TRRAP: variants seen among roughly 807,000 people sequenced by gnomAD.
The protein encoded by TRRAP is transformation/transcription domain-associated protein.
Under a neutral mutation model 438.8 loss-of-function variants are expected in TRRAP, and 41 were observed. That is an observed-to-expected ratio of 0.09 (90% CI 0.07 to 0.12). The LOEUF (loss-of-function observed/expected upper bound fraction) is 0.12, where lower values mean the gene tolerates loss of function less well. TRRAP is among the 10% of genes least tolerant of loss of function. The pLI, the probability that TRRAP is intolerant of heterozygous loss-of-function variation, is 1.00. For missense variants in TRRAP, 3,122 were observed against 5,055.1 expected, an observed-to-expected ratio of 0.62 and a Z score of 11.60; for synonymous variants, 1,994 against 1,962.9, an observed-to-expected ratio of 1.02 and a Z score of -0.42.
At position 98,892,202 on chromosome 7, in the gene TRRAP, G is replaced by A. The variant is rs557419918; in HGVS notation, c.262-222G>A. 2.6e-5 allele frequency among the ~76,000 whole-genome samples: 4 copies of A among 152,310 alleles called. No individual in the cohort carries two copies. The South Asian group carries it at 8.3e-4, about 32-fold the overall frequency. On this transcript the variant is annotated intron_variant, in intron 4 of 72. Transcript: ENST00000456197. ...AAATTGGCTTAGTCGATTTGGTACA[G>A]AGTTGTAGAAATACTGAAAATGATC...
intron 8 of TRRAP, among the ~76,000 whole-genome samples, chr7:98,899,043 G>T (rs1796354104): frequency 6.6e-6 from 1 of 152,118 alleles, no homozygotes; most frequent in Non-Finnish European, 1.5e-5. Context: ...ACAAAAATTA[G>T]CTGGACGTGG....
intron 67 of TRRAP, among the ~76,000 whole-genome samples, chr7:99,003,104 C>T (rs571118604): frequency 2.0e-5 from 3 of 152,184 alleles, no homozygotes; most frequent in Non-Finnish European, 4.4e-5. Flanking sequence ...GTGGCTCCCC[C>T]AGGGCCCCTG....
rs1450546130 is a variant in TRRAP, at chr7:98,980,509, C to T, written c.8635-1260C>T. 3.3e-5 allele frequency among the ~76,000 whole-genome samples: 5 copies of T among 152,030 alleles called. No homozygotes were observed. In the East Asian group the frequency reaches 9.6e-4, roughly 29 times the overall value. On this transcript the variant is annotated intron_variant, in intron 58 of 72. Coordinates refer to ENST00000456197, the MANE Select transcript of TRRAP (RefSeq NM_001375524.1). The stretch of plus-strand genomic sequence containing the variant: ...AATGAGCCAAAAAAAAAAGAAAAGG[C>T]CTTTTAGGGCAGAAAGGAACACATG...
At chr7:98,897,411 A>G (rs1225384659) in intron 7 of TRRAP, among the ~76,000 whole-genome samples, 1 of 152,196 alleles carries the variant, frequency 6.6e-6, no homozygotes, top group African/African-American at 2.4e-5. Flanking sequence ...TTAATCATTT[A>G]TTAGCCAGGG....
chr7:98,900,601 AT>A, intron 10 of TRRAP, 22 bp from the exon 11 acceptor site: 1 of 1,586,640 alleles, frequency 6.3e-7, no homozygotes, highest in Non-Finnish European at 8.6e-7. Context: ...GAGAGGTAAT[AT>A]TTTTGTTCTC....
At position 98,919,794 on chromosome 7, in the gene TRRAP, A is replaced by G. The variant is rs556847086; in HGVS notation, c.2623-1959A>G. ...TGGTTCTTAGGCCTTCTTACCATCCATGAGGCAGATAGCCCAAAAGAGACA... is the reference window on the plus strand; with the variant it reads ...TGGTTCTTAGGCCTTCTTACCATCCGTGAGGCAGATAGCCCAAAAGAGACA... On this transcript the variant is annotated intron_variant, in intron 20 of 72. Transcript: ENST00000456197. 1.3e-5 allele frequency among the ~76,000 whole-genome samples: 2 copies of G among 152,304 alleles called. 1 individual carries two copies. The highest frequency in any genetic ancestry group is 4.8e-5 in the African/African-American group (2 of 41,580).
chr7:99,005,083 T>A lies in TRRAP; in HGVS notation c.10536-48T>A. 1 of 1,581,614 alleles carries A rather than the reference T, an allele frequency of 6.3e-7. No homozygotes were observed. The highest frequency in any genetic ancestry group is 8.7e-7 in the Non-Finnish European group (1 of 1,153,748). On this transcript the variant is annotated intron_variant, in intron 68 of 72. Transcript: ENST00000456197. The surrounding 1 kb of genome is among the most constrained non-coding windows in gnomAD (Gnocchi z 5.1). ...CCTAGCTTCTTCTCAAGACAAGGAC[T>A]GGTAGCAGAGATGCAGGGCATGTCC...
At position 98,967,680 on chromosome 7, in the gene TRRAP, G is replaced by T; in HGVS notation, c.7494G>T (p.Trp2498Cys). Residue 2498 changes from tryptophan to cysteine, a missense_variant, in exon 51 of 73, where the codon TGG becomes TGT. Trp to Cys is a radical substitution (Grantham distance 215). Around this residue, in one of 24 missense-constraint regions of TRRAP, gnomAD observed 992 missense variants for 1,281.2 expected, o/e 0.77. Transcript: ENST00000456197. Reference sequence around the variant, plus strand: ...GGGAAGCCATGGGGAACCACTTCTGGATCAAGCAGTGCATTGAGGTAGGAA... The same window carrying T: ...GGGAAGCCATGGGGAACCACTTCTGTATCAAGCAGTGCATTGAGGTAGGAA... Reference protein sequence around the residue: ...QNWEAMGNHFWIKQCIELLLA... With the variant: ...QNWEAMGNHFCIKQCIELLLA... The T allele has an allele frequency of 6.2e-7, 1 of 1,613,824 alleles. No individual in the cohort carries two copies. The highest frequency in any genetic ancestry group is 1.1e-5 in the South Asian group (1 of 91,076).
intron 20 of TRRAP, among the ~76,000 whole-genome samples, chr7:98,921,335 A>C (rs1679752071): frequency 6.6e-6 from 1 of 152,176 alleles, no homozygotes; most frequent in African/African-American, 2.4e-5. Context: ...TTTGGGTAAC[A>C]GAGGTGGGAG....
intron 32 of TRRAP, 27 bp from the exon 33 acceptor site, chr7:98,945,903 C>A: frequency 6.5e-7 from 1 of 1,546,158 alleles, no homozygotes; most frequent in Non-Finnish European, 8.7e-7. Context: ...TGCCTTTTTT[C>A]ATGCTGTAAT....
intron 67 of TRRAP, chr7:98,998,482 ACG>A (rs1489190287): frequency 5.9e-6 from 1 of 168,540 alleles, no homozygotes; most frequent in African/African-American, 2.4e-5. Flanking sequence ...TGTGTACTTG[ACG>A]AAAGATTAGG....
At chr7:98,969,673 G>T (rs1042100101) in intron 51 of TRRAP, among the ~76,000 whole-genome samples, 2 of 142,586 alleles carry the variant, frequency 1.4e-5, no homozygotes, top group Non-Finnish European at 3.0e-5. Context: ...AGGGGCTTCA[G>T]TACATCACGG....
chr7:98,910,138 G>A lies in TRRAP; in HGVS notation c.1433G>A (p.Gly478Glu). 3 of 1,611,826 alleles carry A rather than the reference G, an allele frequency of 1.9e-6. No individual in the cohort carries two copies. The highest frequency in any genetic ancestry group is 2.5e-6 in the Non-Finnish European group (3 of 1,178,934). Residue 478 changes from glycine (G) to glutamate (E), a missense_variant, in exon 15 of 73, where the codon GGA becomes GAA. Physicochemically the swap from Gly to Glu is moderately conservative, Grantham distance 98. Around this residue, in one of 24 missense-constraint regions of TRRAP, gnomAD observed 115 missense variants for 124.6 expected, o/e 0.92. Transcript: ENST00000456197. ...AAGTGTAAGCCTCAGTCAGAACTTG[G>A]AGCCGTGGAAGCAGCTCTGCCTGGG... ...FKKCKPQSELGAVEAALPGVP... is the reference protein window; with the variant it reads ...FKKCKPQSELEAVEAALPGVP...
Position 98,910,217 on chromosome 7 carries a change from T to TCCCCCCCCCCCCCC in TRRAP, c.1512_1513insCCCCCCCCCCCCCC (p.Ala505ProfsTer20). The TCCCCCCCCCCCCCC allele has an allele frequency of 9.6e-7, 1 of 1,045,582 alleles. No homozygotes were observed. Among genetic ancestry groups the TCCCCCCCCCCCCCC allele is most frequent in the Non-Finnish European group, 1.2e-6 (1 of 806,024 alleles). The allele number at this position is 1,045,582 out of a possible 1,614,324, so 64.8% of individuals were successfully genotyped here. ...CTGCTCCCTCCCCAGCCCCTGTCCC[T>TCCCCCCCCCCCCCC]GCCCCACCTCCACCCCCGCCCCCAC... On this transcript the variant is annotated frameshift_variant, in exon 15 of 73. Transcript: ENST00000456197. LOFTEE classifies it high-confidence loss of function.
At chr7:98,897,051 G>A (rs187139379) in intron 7 of TRRAP, among the ~76,000 whole-genome samples, 92 of 152,178 alleles carry the variant, frequency 6.0e-4, no homozygotes, top group African/African-American at 2.2e-3. Context: ...CTTGGCCAAC[G>A]TGGTGAAACC....
chr7:98,999,225 A>G, intron 67 of TRRAP: 1 of 1,275,590 alleles, frequency 7.8e-7, no homozygotes, highest in Non-Finnish European at 1.1e-6. Flanking sequence ...GCTTCACTCC[A>G]AGAAGTACAT....
intron 69 of TRRAP, among the ~76,000 whole-genome samples, 195 bp from the exon 70 acceptor site, chr7:99,008,182 A>T (rs1157438233): frequency 2.0e-5 from 3 of 152,184 alleles, no homozygotes; most frequent in Non-Finnish European, 2.9e-5. Flanking sequence ...CAAGGTGACG[A>T]TCAGTTCGTG....
intron 46 of TRRAP, 107 bp downstream of exon 46, chr7:98,961,581 C>T: frequency 7.5e-7 from 1 of 1,339,086 alleles, no homozygotes; most frequent in East Asian, 2.3e-5. Context: ...GCTTTGTTAT[C>T]ACTTTCCTTT....
At chr7:98,927,830 G>A (rs1790121794) in intron 23 of TRRAP, among the ~76,000 whole-genome samples, 1 of 151,916 alleles carries the variant, frequency 6.6e-6, no homozygotes, top group Non-Finnish European at 1.5e-5. Flanking sequence ...TGTTCCTCCT[G>A]CCTGGAACGG....
Sources: allele counts gnomAD v4.1 joint callset (sites outside exome capture counted in the v4.1 genomes callset), GRCh38; gene constraint gnomAD v4.1.1; regional missense constraint gnomAD v4.1.1; non-coding constraint Gnocchi (gnomAD v3.1); transcripts MANE v1.5; gene names NCBI Gene and HGNC (gene_info 2026-07-23, HGNC 2026-07-21).